Variants in STOX2 observed in about 807,000 individuals in gnomAD.
STOX2 encodes storkhead box 2.
In STOX2, 28 loss-of-function variants were observed where a neutral mutation model predicts 60.9. That is an observed-to-expected ratio of 0.46 (90% CI 0.34 to 0.63). The LOEUF (loss-of-function observed/expected upper bound fraction) is 0.63. Ranked by LOEUF, STOX2 falls within the 30% of genes least tolerant of loss-of-function variation. The probability of loss-of-function intolerance (pLI) is 0.01; values close to 1 mark genes in which losing one functional copy is unlikely to be tolerated. For missense variants in STOX2, 1,024 were observed against 1,187.7 expected (o/e 0.86, Z 2.03); for synonymous variants, 472 against 463.9 (o/e 1.02, Z -0.22).
At chr4:183,805,570 T>G (rs4862255) in intron 1 of STOX2, among the ~76,000 whole-genome samples, 94,701 of 152,064 alleles carry the variant, frequency 0.62, 29,873 homozygotes, top group East Asian at 0.77. Flanking sequence ...CACTTTGGGA[T>G]GCCTAAGTGA....
chr4:183,981,355 C>T (rs139110302), intron 1 of STOX2, among the ~76,000 whole-genome samples: 66 of 151,862 alleles, frequency 4.3e-4, no homozygotes, highest in African/African-American at 1.4e-3. Flanking sequence ...ATTGTTTTTC[C>T]TCTGCATATT....
At chr4:183,940,281 T>G (rs1742718588) in intron 1 of STOX2, among the ~76,000 whole-genome samples, 1 of 152,198 alleles carries the variant, frequency 6.6e-6, no homozygotes, top group Admixed American at 6.5e-5. Context: ...CCTCACGAAT[T>G]TTTCCACAAA....
At chr4:183,993,870 C>T (rs1403693117) in intron 1 of STOX2, among the ~76,000 whole-genome samples, 2 of 152,130 alleles carry the variant, frequency 1.3e-5, no homozygotes, top group Non-Finnish European at 2.9e-5. Flanking sequence ...GTAATGGGAG[C>T]CGTCTGCTCT....
chr4:183,902,852 C>T (rs2111075393), upstream of STOX2, among the ~76,000 whole-genome samples: 1 of 152,338 alleles, frequency 6.6e-6, no homozygotes, highest in South Asian at 2.1e-4. Flanking sequence ...CTATGTACCA[C>T]CTGATTATTC....
chr4:183,986,703 C>T (rs1732856444), intron 1 of STOX2, among the ~76,000 whole-genome samples: 1 of 152,188 alleles, frequency 6.6e-6, no homozygotes, highest in Non-Finnish European at 1.5e-5. Context: ...TTTGTAGCCT[C>T]CCGAGGACAG....
At chr4:183,960,064 G>C (rs1321037270) in intron 1 of STOX2, among the ~76,000 whole-genome samples, 1 of 152,244 alleles carries the variant, frequency 6.6e-6, no homozygotes, top group African/African-American at 2.4e-5. Context: ...TGGTGAAAAG[G>C]AAAAGTAATA....
chr4:183,827,443 G>A (rs1280782198), intron 1 of STOX2, among the ~76,000 whole-genome samples: 2 of 151,986 alleles, frequency 1.3e-5, no homozygotes, highest in Non-Finnish European at 2.9e-5. Context: ...AGTGAGCTGG[G>A]ATCATACCAC....
In STOX2 at chr4:184,009,136, GTTTTTTT is replaced by G; in HGVS notation, c.320-10_320-4del. On this transcript the variant is annotated splice_polypyrimidine_tract_variant and intron_variant, in intron 2 of 3. Transcript: ENST00000308497. The surrounding 1 kb of genome is among the most constrained non-coding windows in gnomAD (Gnocchi z 4.0). ...TGTTCTGTCTTCATTCTCACAAGTGGTTTTTTTTTTTTTTTTTTCAGGTGTTCCAACG... is the reference window on the plus strand; with the variant it reads ...TGTTCTGTCTTCATTCTCACAAGTGGTTTTTTTTTTTCAGGTGTTCCAACG... 6 of 716,328 alleles carry G rather than the reference GTTTTTTT, an allele frequency of 8.4e-6. No homozygotes were observed. The highest frequency in any genetic ancestry group is 1.3e-5 in the Non-Finnish European group (6 of 463,052). 44.4% of individuals were successfully genotyped at this position (716,328 alleles called of 1,614,324 possible). A position where few individuals can be genotyped will look rare whatever the true frequency, so the allele number is the denominator to read the frequency against.
chr4:183,866,004 G>A (rs536786577), intron 1 of STOX2, among the ~76,000 whole-genome samples: 164 of 152,290 alleles, frequency 1.1e-3, no homozygotes, highest in African/African-American at 3.7e-3. Flanking sequence ...AGATTGTCAT[G>A]GATCTAATGA....
intron 1 of STOX2, among the ~76,000 whole-genome samples, chr4:183,840,182 CTTTTGTATTT>C (rs1464452672): frequency 1.3e-5 from 2 of 152,192 alleles, no homozygotes; most frequent in East Asian, 3.9e-4. Flanking sequence ...GGAATCAAGT[CTTTTGTATTT>C]AGATTGGAAC....
rs533555135 is a variant in STOX2, at chr4:184,001,953, T to A, written c.319+476T>A. Among the ~76,000 whole-genome samples the A allele has an allele frequency of 1.3e-5, 2 of 152,250 alleles. No homozygotes were observed. Among genetic ancestry groups the A allele is most frequent in the Non-Finnish European group, 2.9e-5 (2 of 68,022 alleles). On this transcript the variant is annotated intron_variant, in intron 2 of 3. Transcript: ENST00000308497. The surrounding 1 kb of genome is among the most constrained non-coding windows in gnomAD (Gnocchi z 4.2). ...ATTTCATTTTAAAAAATAAAATACT[T>A]ACTTTTCTCTTAAATGTTATAAAAA...
intron 1 of STOX2, among the ~76,000 whole-genome samples, chr4:183,914,028 T>G (rs1461241344): frequency 1.3e-5 from 2 of 152,232 alleles, no homozygotes; most frequent in Admixed American, 6.5e-5. Flanking sequence ...AATGGACATT[T>G]AATTAGTTCA....
intron 1 of STOX2, among the ~76,000 whole-genome samples, chr4:183,920,952 A>T (rs1317458865): frequency 1.3e-5 from 2 of 152,242 alleles, no homozygotes; most frequent in African/African-American, 4.8e-5. Context: ...AGAAGTCTCA[A>T]ACATAAACAT....
At chr4:183,950,986 C>T (rs995632871) in intron 1 of STOX2, among the ~76,000 whole-genome samples, 3 of 151,968 alleles carry the variant, frequency 2.0e-5, no homozygotes, top group Non-Finnish European at 2.9e-5. Context: ...GAGGCCGAGG[C>T]GGGCGGATCA....
intron 1 of STOX2, among the ~76,000 whole-genome samples, chr4:183,992,547 T>G (rs1162102541): frequency 6.6e-6 from 1 of 152,236 alleles, no homozygotes; most frequent in Admixed American, 6.5e-5. Flanking sequence ...TGTTCTTTCT[T>G]ATGTGATGCA....
intron 1 of STOX2, among the ~76,000 whole-genome samples, chr4:183,886,109 A>G (rs73870942): frequency 7.4e-4 from 75 of 100,734 alleles, no homozygotes; most frequent in African/African-American, 2.5e-3. Flanking sequence ...GGCAGATGCA[A>G]AATCAGGAGG....
chr4:183,798,915 A>AAAAGC (rs745640626), intron 1 of STOX2: 389,173 of 645,994 alleles, frequency 0.6, 121,004 homozygotes, highest in Non-Finnish European at 0.63. Flanking sequence ...TTTTTGTACT[A>AAAAGC]TTACATAGTA....
At chr4:183,896,458 C>G (rs1741341948) in intron 1 of STOX2, among the ~76,000 whole-genome samples, 1 of 152,210 alleles carries the variant, frequency 6.6e-6, no homozygotes, top group Non-Finnish European at 1.5e-5. Context: ...TGCTCCTGCG[C>G]AGACTCCCAA....
chr4:183,799,598 C>T (rs774697666), intron 1 of STOX2, among the ~76,000 whole-genome samples: 2 of 151,892 alleles, frequency 1.3e-5, no homozygotes, highest in African/African-American at 4.8e-5. Flanking sequence ...CTCAACGTTC[C>T]GCTCCAAAAA....
Sources: gnomAD v4.1 joint callset for allele counts (sites outside exome capture counted in the v4.1 genomes callset) on GRCh38, gnomAD v4.1.1 for gene constraint, Gnocchi (gnomAD v3.1) non-coding constraint, MANE v1.5 for transcripts, NCBI Gene and HGNC (gene_info 2026-07-23, HGNC 2026-07-21) for gene names.